RYR2: variants seen among roughly 807,000 people sequenced by gnomAD.
The protein encoded by RYR2 is ryanodine receptor 2.
A neutral mutation model predicts 601.1 loss-of-function variants in RYR2; 227 were observed. That is an observed-to-expected ratio of 0.38 (90% CI 0.34 to 0.42). The LOEUF (loss-of-function observed/expected upper bound fraction) is 0.42. RYR2 is among the 10% of genes least tolerant of loss of function. The pLI, the probability that RYR2 is intolerant of heterozygous loss-of-function variation, is 1.00. For synonymous variants in RYR2, 2,223 were observed against 2,175.1 expected (o/e 1.02, Z -0.61); for missense variants, 4,646 against 6,156.5 (o/e 0.75, Z 8.21).
At chr1:237,583,770 A>G (rs1405624425) in intron 29 of RYR2, among the ~76,000 whole-genome samples, 1 of 152,156 alleles carries the variant, frequency 6.6e-6, no homozygotes, top group Non-Finnish European at 1.5e-5. Context: ...TGTAGCCCCA[A>G]ACAGAGATTT....
At chr1:237,752,064 A>T (rs893465774) in intron 80 of RYR2, among the ~76,000 whole-genome samples, 2 of 152,326 alleles carry the variant, frequency 1.3e-5, no homozygotes, top group Non-Finnish European at 2.9e-5. Flanking sequence ...TCATTTATTC[A>T]TGCAAATTTT....
chr1:237,376,475 A>G (rs769812511), intron 7 of RYR2, among the ~76,000 whole-genome samples: 5 of 151,726 alleles, frequency 3.3e-5, no homozygotes, highest in Non-Finnish European at 7.4e-5. Flanking sequence ...AGAGTTATGG[A>G]AACACCATAA....
Position 237,530,521 on chromosome 1 carries a change from T to A in RYR2, c.2906+11T>A. The A allele has an allele frequency of 6.4e-7, 1 of 1,567,682 alleles. No homozygotes were observed. The highest frequency in any genetic ancestry group is 8.7e-7 in the Non-Finnish European group (1 of 1,147,332). On this transcript the variant is annotated intron_variant, in intron 25 of 104. Coordinates refer to ENST00000366574, the MANE Select transcript of RYR2 (RefSeq NM_001035.3). ...GAAGCTACCCAAGAAGTAAGTTGAA[T>A]GACTAAGCAATATTAAATAATCTGT...
chr1:237,488,187 G>A (rs1351024741), intron 17 of RYR2, among the ~76,000 whole-genome samples: 1 of 151,938 alleles, frequency 6.6e-6, no homozygotes, highest in Non-Finnish European at 1.5e-5. Context: ...TTTCTTAATG[G>A]TTATATTGTA....
intron 1 of RYR2, among the ~76,000 whole-genome samples, chr1:237,157,960 A>G (rs770707987): frequency 1.3e-5 from 2 of 152,244 alleles, no homozygotes; most frequent in Non-Finnish European, 2.9e-5. Flanking sequence ...TTTCATCATT[A>G]TACATTGTAT....
chr1:237,829,539 G>A (rs191082777), intron 102 of RYR2, among the ~76,000 whole-genome samples: 48 of 152,268 alleles, frequency 3.2e-4, no homozygotes, highest in Admixed American at 2.6e-3. Context: ...CAGGTTCATC[G>A]GTAAAGCTGA....
chr1:237,341,911 G>A (rs77171856), intron 3 of RYR2, among the ~76,000 whole-genome samples: 3 of 152,266 alleles, frequency 2.0e-5, no homozygotes, highest in African/African-American at 7.2e-5. Flanking sequence ...CACAGTCCAG[G>A]TTAATACCTG....
At chr1:237,082,851 C>G (rs564639720) in intron 1 of RYR2, among the ~76,000 whole-genome samples, 2 of 152,176 alleles carry the variant, frequency 1.3e-5, no homozygotes, top group East Asian at 3.9e-4. Context: ...CTTTGATCTC[C>G]TTGCTATTAT....
intron 16 of RYR2, among the ~76,000 whole-genome samples, chr1:237,468,869 C>G (rs1302162797): frequency 6.6e-6 from 1 of 152,176 alleles, no homozygotes; most frequent in African/African-American, 2.4e-5. Flanking sequence ...AAATTACATT[C>G]CTTCTAATGA....
At chr1:237,561,829 G>A (rs1671487365) in intron 27 of RYR2, among the ~76,000 whole-genome samples, 1 of 152,164 alleles carries the variant, frequency 6.6e-6, no homozygotes, top group Non-Finnish European at 1.5e-5. Context: ...AGGGGGCAGT[G>A]CTTGGAGGTA....
chr1:237,754,140 CT>C (rs1241297185), intron 80 of RYR2, among the ~76,000 whole-genome samples: 10 of 140,678 alleles, frequency 7.1e-5, no homozygotes, highest in African/African-American at 2.6e-4. Context: ...ATCAGTATGT[CT>C]TTTTGGCTCA....
intron 1 of RYR2, among the ~76,000 whole-genome samples, chr1:237,185,906 C>T (rs568096641): frequency 6.6e-6 from 1 of 152,350 alleles, no homozygotes; most frequent in Non-Finnish European, 1.5e-5. Flanking sequence ...ACTTCTGCCA[C>T]ACAGTCTTCA....
chr1:237,552,682 T>G (rs1323473766), intron 27 of RYR2, among the ~76,000 whole-genome samples: 3 of 152,074 alleles, frequency 2.0e-5, no homozygotes, highest in African/African-American at 7.2e-5. Context: ...ATGATGCTTT[T>G]ATGATCTTGC....
rs577169953 is a variant in RYR2 at position 237,748,291 on chromosome 1, A to AACCATATGCATT, written c.11145+5944_11145+5945insCATATGCATTAC. ...AGAGACCATATGCATTACAGAACAG[A>AACCATATGCATT]ACAGTGCCTCCCCGGGGAAGGAGGA... is the stretch of plus-strand genomic sequence containing the variant. On this transcript the variant is annotated intron_variant, in intron 80 of 104. Coordinates refer to ENST00000366574, the MANE Select transcript of RYR2 (RefSeq NM_001035.3). Among the ~76,000 whole-genome samples, 442 of 152,292 alleles carry AACCATATGCATT rather than the reference A, an allele frequency of 2.9e-3. 5 individuals carry two copies. The highest frequency in any genetic ancestry group is 4.0e-3 in the Non-Finnish European group (270 of 68,000).
At chr1:237,533,868 G>A (rs1024938767) in intron 25 of RYR2, among the ~76,000 whole-genome samples, 14 of 152,042 alleles carry the variant, frequency 9.2e-5, no homozygotes, top group African/African-American at 2.2e-4. Context: ...TGTTAACTTC[G>A]TGGTGGATTA....
At chr1:237,078,824 A>G (rs1402354832) in intron 1 of RYR2, among the ~76,000 whole-genome samples, 1 of 99,712 alleles carries the variant, frequency 1.0e-5, no homozygotes, top group Non-Finnish European at 2.1e-5. Flanking sequence ...GACACAACCC[A>G]AAAAGAGAAT....
chr1:237,610,355 A>G lies in RYR2; in HGVS notation c.4684-407A>G, dbSNP rs530616638. ...TGGGTGACAGAGAACAGATATTGAG[A>G]GAGAGAGCCAGGGGGATGTGACATA... is the stretch of plus-strand genomic sequence containing the variant. On this transcript the variant is annotated intron_variant, in intron 35 of 104. Transcript: ENST00000366574. The surrounding 1 kb of genome is among the most constrained non-coding windows in gnomAD (Gnocchi z 4.9). Among the ~76,000 whole-genome samples, 1 of 152,288 alleles carries G rather than the reference A, an allele frequency of 6.6e-6. No individual in the cohort carries two copies. The highest frequency in any genetic ancestry group is 2.4e-5 in the African/African-American group (1 of 41,564).
chr1:237,636,431 G>A (rs571611505), intron 44 of RYR2, among the ~76,000 whole-genome samples: 1 of 152,224 alleles, frequency 6.6e-6, no homozygotes, highest in South Asian at 2.1e-4. Flanking sequence ...GCATCTCTGA[G>A]ACACCTCAGG....
intron 3 of RYR2, among the ~76,000 whole-genome samples, chr1:237,332,340 T>A (rs1267590186): frequency 6.6e-6 from 1 of 152,186 alleles, no homozygotes; most frequent in African/African-American, 2.4e-5. Context: ...TAGTGACTTT[T>A]GATATTAGAC....
Sources: gnomAD v4.1 joint callset for allele counts (sites outside exome capture counted in the v4.1 genomes callset) on GRCh38, gnomAD v4.1.1 for gene constraint, Gnocchi (gnomAD v3.1) non-coding constraint, MANE v1.5 for transcripts, NCBI Gene and HGNC (gene_info 2026-07-23, HGNC 2026-07-21) for gene names.